The following PTPRD variants were observed in gnomAD, a reference collection of about 807,000 sequenced individuals.
PTPRD encodes protein tyrosine phosphatase receptor type D, also known as receptor-type tyrosine-protein phosphatase delta.
In PTPRD, 34 loss-of-function variants were observed where a neutral mutation model predicts 214.5. The ratio of observed to expected loss-of-function variants is 0.16; its 90% CI spans 0.12 to 0.21. The LOEUF (loss-of-function observed/expected upper bound fraction) is 0.21, where lower values mean the gene tolerates loss of function less well. PTPRD is among the 10% of genes least tolerant of loss of function. PTPRD has a pLI of 1.00. For synonymous variants in PTPRD, 1,128 were observed against 845.7 expected (o/e 1.33, Z -5.79); for missense variants, 2,545 against 2,398.7 (o/e 1.06, Z -1.27).
At chr9:9,744,221 G>A (rs2761696) in intron 6 of PTPRD, among the ~76,000 whole-genome samples, 75,253 of 151,868 alleles carry the variant, frequency 0.5, 22,329 homozygotes, top group African/African-American at 0.82. Flanking sequence ...AAGGAGATTC[G>A]TGCAATTATC....
At chr9:9,693,844 C>CT (rs2097320538) in intron 7 of PTPRD, among the ~76,000 whole-genome samples, 1 of 152,170 alleles carries the variant, frequency 6.6e-6, no homozygotes, top group South Asian at 2.1e-4. Context: ...AGGCTCACTC[C>CT]TTTTTTATCA....
At chr9:10,275,554 T>G (rs1454279676) in intron 3 of PTPRD, among the ~76,000 whole-genome samples, 4 of 152,120 alleles carry the variant, frequency 2.6e-5, no homozygotes, top group Admixed American at 6.6e-5. Context: ...TAGATAGTGT[T>G]ATATTTAGTA....
intron 9 of PTPRD, among the ~76,000 whole-genome samples, chr9:9,353,589 T>C (rs1479616437): frequency 6.6e-6 from 1 of 151,774 alleles, no homozygotes; most frequent in Non-Finnish European, 1.5e-5. Flanking sequence ...CATAGGACCT[T>C]GTCTTACGTA....
intron 7 of PTPRD, among the ~76,000 whole-genome samples, chr9:9,609,359 C>T (rs753293268): frequency 6.6e-6 from 1 of 152,018 alleles, no homozygotes; most frequent in Non-Finnish European, 1.5e-5. Flanking sequence ...ATTTCCCATG[C>T]TACCTTAAAA....
At chr9:8,724,571 C>T (rs930911332) in intron 12 of PTPRD, among the ~76,000 whole-genome samples, 1 of 152,134 alleles carries the variant, frequency 6.6e-6, no homozygotes, top group African/African-American at 2.4e-5. Flanking sequence ...GTCAGTGATT[C>T]CTGCAGTTCA....
chr9:9,891,374 C>A (rs1470941046), intron 5 of PTPRD, among the ~76,000 whole-genome samples: 1 of 141,996 alleles, frequency 7.0e-6, no homozygotes, highest in Non-Finnish European at 1.6e-5. Context: ...AAAACATACA[C>A]TTTTTTTTTT....
chr9:10,607,368 CTGTT>C (rs1242060255), intron 2 of PTPRD, among the ~76,000 whole-genome samples: 20 of 151,892 alleles, frequency 1.3e-4, no homozygotes, highest in South Asian at 1.2e-3. Context: ...TTCTTTTTGA[CTGTT>C]TGATTATTAT....
intron 14 of PTPRD, among the ~76,000 whole-genome samples, chr9:8,591,578 T>C (rs1055020745): frequency 6.6e-6 from 1 of 152,142 alleles, no homozygotes; most frequent in Non-Finnish European, 1.5e-5. Context: ...GGAGAAAGAA[T>C]GTAGGAGGAG....
chr9:10,534,236 T>A lies in PTPRD; in HGVS notation c.-600+78162A>T, dbSNP rs184209133. On this transcript the variant is annotated intron_variant, in intron 2 of 45. Coordinates refer to ENST00000381196, the MANE Select transcript of PTPRD (RefSeq NM_002839.4). Reference sequence around the variant, plus strand: ...TTAACATCAGAGTTCTAAAAAGATGTTAAAATTACTCTATGGGACCATCTT... The same window carrying A: ...TTAACATCAGAGTTCTAAAAAGATGATAAAATTACTCTATGGGACCATCTT... Among the ~76,000 whole-genome samples the A allele has an allele frequency of 1.5e-3, 227 of 152,066 alleles. 5 individuals carry two copies. Among genetic ancestry groups the A allele is most frequent in the African/African-American group, 1.0e-3 (43 of 41,536 alleles).
intron 5 of PTPRD, among the ~76,000 whole-genome samples, chr9:9,802,522 A>G (rs897055967): frequency 1.1e-4 from 16 of 151,924 alleles, no homozygotes; most frequent in African/African-American, 3.9e-4. Flanking sequence ...GATAATCTCC[A>G]CTTTATACAT....
chr9:9,486,535 G>T (rs191862124), intron 8 of PTPRD, among the ~76,000 whole-genome samples: 76 of 150,656 alleles, frequency 5.0e-4, no homozygotes, highest in Non-Finnish European at 1.0e-3. Flanking sequence ...CATCTCTATC[G>T]CTGCCTTCTT....
Position 9,814,485 on chromosome 9 carries a change from A to G in PTPRD, c.-367-47634T>C, listed in dbSNP as rs1226216591. Among the ~76,000 whole-genome samples the G allele has an allele frequency of 3.3e-5, 5 of 152,302 alleles. No homozygotes were observed. The East Asian group carries it at 9.6e-4, about 29-fold the overall frequency. On this transcript the variant is annotated intron_variant, in intron 5 of 45. Transcript: ENST00000381196. The stretch of plus-strand genomic sequence containing the variant: ...AAAAAATCGTGTTGCATTTTTATAC[A>G]CTAACAATTAACTATCTGAGAACAA...
chr9:9,888,885 C>T (rs1384334680), intron 5 of PTPRD, among the ~76,000 whole-genome samples: 1 of 152,104 alleles, frequency 6.6e-6, no homozygotes, highest in Non-Finnish European at 1.5e-5. Flanking sequence ...GTTAGATCAC[C>T]TATTGCAGTA....
At chr9:8,561,705 T>C (rs73421062) in intron 14 of PTPRD, among the ~76,000 whole-genome samples, 133 of 151,654 alleles carry the variant, frequency 8.8e-4, no homozygotes, top group African/African-American at 3.1e-3. Flanking sequence ...AATTCAAATT[T>C]CAAGAATTCA....
chr9:8,944,245 G>A (rs943067325), intron 11 of PTPRD, among the ~76,000 whole-genome samples: 2 of 151,966 alleles, frequency 1.3e-5, no homozygotes, highest in East Asian at 3.9e-4. Context: ...CAAAATACAG[G>A]CAATAGTGAA....
At chr9:8,619,784 T>A (rs1281743227) in intron 14 of PTPRD, among the ~76,000 whole-genome samples, 1 of 151,952 alleles carries the variant, frequency 6.6e-6, no homozygotes, top group African/African-American at 2.4e-5. Flanking sequence ...TTCATCCTTT[T>A]CCTAGAGACC....
intron 4 of PTPRD, among the ~76,000 whole-genome samples, chr9:10,018,762 G>C (rs1421354832): frequency 3.3e-5 from 5 of 151,110 alleles, no homozygotes; most frequent in African/African-American, 9.7e-5. Context: ...TTTTAGCCGG[G>C]ATGGTCTCGA....
intron 8 of PTPRD, among the ~76,000 whole-genome samples, chr9:9,409,163 G>T (rs963771197): frequency 6.6e-6 from 1 of 151,808 alleles, no homozygotes; most frequent in African/African-American, 2.4e-5. Context: ...TATGTGTGCT[G>T]AGCTTATCTC....
In PTPRD at chr9:9,878,000, T is replaced by C. The variant is rs2067413839; in HGVS notation, c.-368+60507A>G. On this transcript the variant is annotated intron_variant, in intron 5 of 45. Coordinates refer to ENST00000381196, the MANE Select transcript of PTPRD (RefSeq NM_002839.4). ...AAAAAAAAAAAAAAAAAAAAATGCA[T>C]GTTTGCCCTTCTCACTATATCCATC... Among the ~76,000 whole-genome samples, 5 of 139,304 alleles carry C rather than the reference T, an allele frequency of 3.6e-5. No homozygotes were observed. The Admixed American group carries it at 3.7e-4, about 10-fold the overall frequency. The allele number at this position is 139,304 out of a possible 152,430, so 91.4% of individuals were successfully genotyped here.
Sources: gnomAD v4.1 joint callset for allele counts (sites outside exome capture counted in the v4.1 genomes callset) on GRCh38, gnomAD v4.1.1 for gene constraint, MANE v1.5 for transcripts, NCBI Gene and HGNC (gene_info 2026-07-23, HGNC 2026-07-21) for gene names.